The following B3GALT1 variants were observed in gnomAD, a reference collection of about 807,000 sequenced individuals.
The protein encoded by B3GALT1 is UDP-Gal:betaGlcNAc beta 1,3-galactosyltransferase, polypeptide 1.
A neutral mutation model predicts 23.2 loss-of-function variants in B3GALT1; 10 were observed. That is an observed-to-expected ratio of 0.43 (90% confidence interval 0.27 to 0.73). B3GALT1 has a LOEUF of 0.73. Ranked by LOEUF, B3GALT1 falls within the 30% of genes least tolerant of loss-of-function variation. B3GALT1 has a pLI of 0.21. For missense variants in B3GALT1, 299 were observed against 405.4 expected (o/e 0.74, Z 2.25); for synonymous variants, 156 against 141.5 (o/e 1.10, Z -0.73).
intron 2 of B3GALT1, among the ~76,000 whole-genome samples, chr2:167,581,327 A>G (rs1215005649): frequency 3.3e-5 from 5 of 152,356 alleles, no homozygotes; most frequent in Admixed American, 1.3e-4. Context: ...ACAAAATGTT[A>G]AAGTGTAATG....
At chr2:167,324,130 A>T (rs904565805) in intron 1 of B3GALT1, among the ~76,000 whole-genome samples, 1 of 152,024 alleles carries the variant, frequency 6.6e-6, no homozygotes, top group Non-Finnish European at 1.5e-5. Context: ...TTGGAAATGC[A>T]CTAGCACTCT....
At chr2:167,312,545 CAT>C (rs1037857971) in intron 1 of B3GALT1, among the ~76,000 whole-genome samples, 75 of 151,936 alleles carry the variant, frequency 4.9e-4, no homozygotes, top group African/African-American at 1.8e-3. Context: ...GAAACTGTAA[CAT>C]AGAACAACAG....
chr2:167,302,784 G>T (rs1696470902), intron 1 of B3GALT1, among the ~76,000 whole-genome samples: 1 of 152,104 alleles, frequency 6.6e-6, no homozygotes, highest in African/African-American at 2.4e-5. Flanking sequence ...TACAATTAAA[G>T]ATTCTGTTAA....
rs58502451 is a variant in B3GALT1 at position 167,696,986 on chromosome 2, A to G, written c.-352+50020A>G. ...AGTGAAGGCACATAAATTACTTTGCATGCTGTCTTGAACACAGTAAGAGTT... is the reference window on the plus strand; with the variant it reads ...AGTGAAGGCACATAAATTACTTTGCGTGCTGTCTTGAACACAGTAAGAGTT... On this transcript the variant is annotated intron_variant, in intron 3 of 4. Coordinates refer to ENST00000392690, the MANE Select transcript of B3GALT1 (RefSeq NM_020981.4). Among the ~76,000 whole-genome samples, 118 of 152,252 alleles carry G rather than the reference A, an allele frequency of 7.8e-4. 2 individuals are homozygous for G. The East Asian group carries it at 0.022, about 28-fold the overall frequency.
chr2:167,836,470 T>G (rs1689475185), intron 4 of B3GALT1, among the ~76,000 whole-genome samples: 1 of 151,764 alleles, frequency 6.6e-6, no homozygotes, highest in Admixed American at 6.6e-5. Context: ...GAAGGGAAGT[T>G]TAGAGAAAAA....
chr2:167,404,371 A>G (rs1698241869), intron 1 of B3GALT1, among the ~76,000 whole-genome samples: 1 of 152,306 alleles, frequency 6.6e-6, no homozygotes, highest in East Asian at 1.9e-4. Context: ...AACAAACCAA[A>G]TGATAACAGA....
At chr2:167,669,996 G>A (rs564886151) in intron 3 of B3GALT1, among the ~76,000 whole-genome samples, 15 of 152,328 alleles carry the variant, frequency 9.8e-5, no homozygotes, top group Non-Finnish European at 1.5e-5. Context: ...CTACCTGAGA[G>A]ACTTCATGAA....
At chr2:167,297,776 C>T (rs2105477542) in intron 1 of B3GALT1, among the ~76,000 whole-genome samples, 1 of 152,188 alleles carries the variant, frequency 6.6e-6, no homozygotes, top group Non-Finnish European at 1.5e-5. Flanking sequence ...ACAATATTTT[C>T]ATATTAGACA....
intron 1 of B3GALT1, among the ~76,000 whole-genome samples, chr2:167,392,583 A>G (rs977691464): frequency 2.0e-5 from 3 of 152,190 alleles, no homozygotes; most frequent in Non-Finnish European, 4.4e-5. Context: ...CTTGAGATGT[A>G]TTAAACTGTA....
intron 4 of B3GALT1, among the ~76,000 whole-genome samples, chr2:167,856,714 G>A (rs972205484): frequency 6.6e-6 from 1 of 152,182 alleles, no homozygotes; most frequent in South Asian, 2.1e-4. Context: ...TTGATCTATT[G>A]TAGGAGTTAA....
At chr2:167,528,192 C>T (rs2105365990) in intron 2 of B3GALT1, among the ~76,000 whole-genome samples, 1 of 152,256 alleles carries the variant, frequency 6.6e-6, no homozygotes, top group East Asian at 1.9e-4. Context: ...GTTTCTCTAA[C>T]CTCATTTGTT....
chr2:167,747,571 G>A (rs771954335), intron 3 of B3GALT1, among the ~76,000 whole-genome samples: 1 of 152,202 alleles, frequency 6.6e-6, no homozygotes, highest in Non-Finnish European at 1.5e-5. Context: ...GGTTAAAGAG[G>A]CTCAAGAGAA....
chr2:167,508,437 T>A (rs190809411), intron 2 of B3GALT1, among the ~76,000 whole-genome samples: 17 of 151,916 alleles, frequency 1.1e-4, no homozygotes, highest in African/African-American at 4.1e-4. Flanking sequence ...TTTTTATATT[T>A]TTAGTAGAGA....
At chr2:167,724,051 A>G (rs1468023737) in intron 3 of B3GALT1, among the ~76,000 whole-genome samples, 4 of 152,216 alleles carry the variant, frequency 2.6e-5, no homozygotes, top group Non-Finnish European at 5.9e-5. Context: ...TAGAGATAAC[A>G]TTTCAAAATG....
At chr2:167,401,464 C>T (rs1363690984) in intron 1 of B3GALT1, among the ~76,000 whole-genome samples, 6 of 152,092 alleles carry the variant, frequency 3.9e-5, no homozygotes, top group African/African-American at 1.4e-4. Flanking sequence ...TTCTCCTTTG[C>T]CAGACTTCTC....
At chr2:167,843,819 A>G (rs1049778159) in intron 4 of B3GALT1, among the ~76,000 whole-genome samples, 1 of 152,216 alleles carries the variant, frequency 6.6e-6, no homozygotes, top group African/African-American at 2.4e-5. Context: ...CAGGTTGGGA[A>G]GTTATGACTT....
At chr2:167,639,782 A>G (rs1685620487) in intron 2 of B3GALT1, among the ~76,000 whole-genome samples, 1 of 152,048 alleles carries the variant, frequency 6.6e-6, no homozygotes, top group Non-Finnish European at 1.5e-5. Context: ...GTCTGCTGCC[A>G]TTGTTGATCA....
chr2:167,776,128 C>G (rs756674210), intron 3 of B3GALT1, among the ~76,000 whole-genome samples: 1 of 151,780 alleles, frequency 6.6e-6, no homozygotes, highest in Non-Finnish European at 1.5e-5. Context: ...CTTTTCTGAC[C>G]TCTGTACTCA....
At chr2:167,687,665 C>T (rs886777839) in intron 3 of B3GALT1, among the ~76,000 whole-genome samples, 1 of 151,978 alleles carries the variant, frequency 6.6e-6, no homozygotes, top group African/African-American at 2.4e-5. Context: ...AAATATGCTT[C>T]CTTACAAAAA....
Sources: allele counts gnomAD v4.1 joint callset (sites outside exome capture counted in the v4.1 genomes callset), GRCh38; gene constraint gnomAD v4.1.1; transcripts MANE v1.5; gene names NCBI Gene and HGNC (gene_info 2026-07-23, HGNC 2026-07-21).